MSRB2: variants seen among roughly 807,000 people sequenced by gnomAD.
The protein encoded by MSRB2 is methionine-R-sulfoxide reductase B2, mitochondrial.
A neutral mutation model predicts 19.0 loss-of-function variants in MSRB2; 17 were observed. The observed-to-expected ratio is 0.89, with a 90% CI of 0.61 to 1.34. The LOEUF (loss-of-function observed/expected upper bound fraction) is 1.34, where lower values mean the gene tolerates loss of function less well. Among genes scored for constraint, MSRB2 ranks in the 40% most tolerant of loss-of-function variants. The probability of loss-of-function intolerance (pLI) is 0.00; values close to 1 mark genes in which losing one functional copy is unlikely to be tolerated. For missense variants in MSRB2, 208 were observed against 237.6 expected, an observed-to-expected ratio of 0.88 and a Z score of 0.82; for synonymous variants, 107 against 99.7, an observed-to-expected ratio of 1.07 and a Z score of -0.44.
intron 4 of MSRB2, among the ~76,000 whole-genome samples, 168 bp from the exon 5 acceptor site, chr10:23,120,590 G>A (rs1428727239): frequency 2.0e-5 from 3 of 152,172 alleles, no homozygotes; most frequent in Admixed American, 6.5e-5. Context: ...CCATGACTGT[G>A]TTCTGCTTTC....
intron 2 of MSRB2, among the ~76,000 whole-genome samples, chr10:23,109,503 A>G (rs1389163886): frequency 6.7e-6 from 1 of 149,044 alleles, no homozygotes; most frequent in Non-Finnish European, 1.5e-5. Context: ...AGATCGTGTC[A>G]TTGCACTCCA....
At chr10:23,103,491 G>A (rs534289173) in intron 1 of MSRB2, among the ~76,000 whole-genome samples, 26 of 152,276 alleles carry the variant, frequency 1.7e-4, no homozygotes, top group Admixed American at 1.3e-4. Context: ...TTACACTCAC[G>A]TGAATAAATG....
At chr10:23,120,133 T>A (rs1248744614) in intron 4 of MSRB2, among the ~76,000 whole-genome samples, 1 of 152,202 alleles carries the variant, frequency 6.6e-6, no homozygotes, top group East Asian at 1.9e-4. Flanking sequence ...TTACCCAGTG[T>A]GACTGGCACC....
At position 23,110,242 on chromosome 10, in the gene MSRB2, C is replaced by T. The variant is rs1300746366; in HGVS notation, c.220C>T (p.Pro74Ser). ...CATGACATATCTAATTTACTTTCAGCCTTTCAGTGGGATCTACCTGAATAA... is the reference window on the plus strand; with the variant it reads ...CATGACATATCTAATTTACTTTCAGTCTTTCAGTGGGATCTACCTGAATAA... ...YVTREKGTEPPFSGIYLNNKE... is the reference protein window; with the variant it reads ...YVTREKGTEPSFSGIYLNNKE... The change falls in exon 3 of 5, where the codon CCT (proline) becomes TCT (serine). Residue 74 changes from proline to serine, a missense_variant and splice_region_variant. By Grantham distance (74) the Pro-to-Ser change is moderately conservative (BLOSUM62 -1). Coordinates refer to ENST00000376510, the MANE Select transcript of MSRB2 (RefSeq NM_012228.4). 1.2e-6 allele frequency: 2 copies of T among 1,612,152 alleles called. No individual in the cohort carries two copies. The highest frequency in any genetic ancestry group is 1.3e-5 in the African/African-American group (1 of 74,986).
chr10:23,112,998 G>C (rs900940833), intron 3 of MSRB2, among the ~76,000 whole-genome samples: 10 of 152,212 alleles, frequency 6.6e-5, no homozygotes, highest in African/African-American at 2.4e-4. Flanking sequence ...TACAAATGCA[G>C]ACTATATTCC....
chr10:23,111,244 C>T (rs1296608245), intron 3 of MSRB2, among the ~76,000 whole-genome samples: 3 of 152,178 alleles, frequency 2.0e-5, no homozygotes, highest in Non-Finnish European at 4.4e-5. Flanking sequence ...GATGCATTCA[C>T]GTTGGCATGG....
chr10:23,104,344 C>A, intron 2 of MSRB2, 100 bp downstream of exon 2: 2 of 822,978 alleles, frequency 2.4e-6, no homozygotes, highest in South Asian at 3.7e-5. Flanking sequence ...CAGCAACACT[C>A]CACAGGCCTG....
At chr10:23,100,210 T>C (rs1839912784) in intron 1 of MSRB2, among the ~76,000 whole-genome samples, 1 of 152,228 alleles carries the variant, frequency 6.6e-6, no homozygotes, top group African/African-American at 2.4e-5. Context: ...ATGTCAATGA[T>C]AGCCAGAGAT....
intron 2 of MSRB2, among the ~76,000 whole-genome samples, chr10:23,105,923 G>A (rs769526887): frequency 6.6e-6 from 1 of 152,206 alleles, no homozygotes; most frequent in Non-Finnish European, 1.5e-5. Flanking sequence ...TTGGGAAAGA[G>A]ACTACATTAG....
intron 1 of MSRB2, among the ~76,000 whole-genome samples, chr10:23,102,382 G>A (rs372025921): frequency 1.3e-5 from 2 of 152,038 alleles, no homozygotes; most frequent in East Asian, 3.8e-4. Context: ...TACCAACAAT[G>A]TCTTTTATAG....
rs766932951 is a variant in MSRB2 at position 23,120,917 on chromosome 10, C to T, written c.*55C>T. ...CCCCTTCACGTGCACCCTCAATTTC[C>T]ACAATTCACTTGAATGACTTGTTTT... On this transcript the variant is annotated 3_prime_UTR_variant, in exon 5 of 5. Coordinates refer to ENST00000376510, the MANE Select transcript of MSRB2 (RefSeq NM_012228.4). 3.0e-5 allele frequency: 40 copies of T among 1,342,430 alleles called. No homozygotes were observed. Among genetic ancestry groups the T allele is most frequent in the Non-Finnish European group, 4.1e-5 (39 of 945,452 alleles). The allele number at this position is 1,342,430 out of a possible 1,614,324, so 83.2% of individuals were successfully genotyped here.
chr10:23,108,083 G>A (rs568026321), intron 2 of MSRB2, among the ~76,000 whole-genome samples: 1 of 151,632 alleles, frequency 6.6e-6, no homozygotes, highest in South Asian at 2.1e-4. Context: ...TCAGCCTCCC[G>A]AGTAGCTGGG....
chr10:23,096,895 C>T lies in MSRB2; in HGVS notation c.118+1169C>T, dbSNP rs1399219711. ...CCTTGAAAAAGGATGGTGGTTTTAG[C>T]GGTAACTACTTCATGGCTGTAATTG... On this transcript the variant is annotated intron_variant, in intron 1 of 4. Coordinates refer to ENST00000376510, the MANE Select transcript of MSRB2 (RefSeq NM_012228.4). 2.0e-5 allele frequency among the ~76,000 whole-genome samples: 3 copies of T among 152,260 alleles called. No individual in the cohort carries two copies. The South Asian group carries it at 6.2e-4, about 32-fold the overall frequency.
At chr10:23,111,968 T>TA (rs1840062639) in intron 3 of MSRB2, among the ~76,000 whole-genome samples, 1 of 152,080 alleles carries the variant, frequency 6.6e-6, no homozygotes, top group African/African-American at 2.4e-5. Context: ...AATTTAAACT[T>TA]AAAAGGCCAC....
chr10:23,109,006 T>C (rs1015980730), intron 2 of MSRB2, among the ~76,000 whole-genome samples: 3 of 152,092 alleles, frequency 2.0e-5, no homozygotes, highest in African/African-American at 7.2e-5. Flanking sequence ...CACAGGGAAT[T>C]TGGATGTTTA....
Position 23,104,146 on chromosome 10 carries a change from TCTCTTGCAACGTGTGAGCTGC to T in MSRB2, c.129_149del (p.Thr44_Ala50del), listed in dbSNP as rs1284411394. ...AAAATTCCTGTTTAACAATACAGGG[TCTCTTGCAACGTGTGAGCTGC>T]CTCTTGCCAAGAGTGAGTGGCAAAA... On this transcript the variant is annotated inframe_deletion, in exon 2 of 5. Transcript: ENST00000376510. 1 of 1,611,188 alleles carries T rather than the reference TCTCTTGCAACGTGTGAGCTGC, an allele frequency of 6.2e-7. No homozygotes were observed. The highest frequency in any genetic ancestry group is 8.5e-7 in the Non-Finnish European group (1 of 1,179,040).
chr10:23,100,987 T>TTTTTGTTTTG lies in MSRB2; in HGVS notation c.119-3138_119-3129dup, dbSNP rs374985718. Among the ~76,000 whole-genome samples the TTTTTGTTTTG allele has an allele frequency of 7.8e-4, 118 of 152,164 alleles. 2 individuals carry two copies. The East Asian group carries it at 0.02, about 26-fold the overall frequency. On this transcript the variant is annotated intron_variant, in intron 1 of 4. Transcript: ENST00000376510. The stretch of plus-strand genomic sequence containing the variant: ...ATGGTTTGAGGAGAGTGGAAAAGGT[T>TTTTTGTTTTG]TTTTGTTTTGTTTTGTTTTGTTTTG...
Position 23,104,162 on chromosome 10 carries a change from A to G in MSRB2, c.137A>G (p.Glu46Gly), listed in dbSNP as rs2296466. The G allele has an allele frequency of 6.8e-3, 10,913 of 1,613,686 alleles. 639 individuals carry two copies. The East Asian group carries it at 0.15, about 22-fold the overall frequency. ...LGEAGSLATC[E>G]LPLAKSEWQK... is the part of the protein sequence containing the mutation. ...AATACAGGGTCTCTTGCAACGTGTG[A>G]GCTGCCTCTTGCCAAGAGTGAGTGG... The change falls in exon 2 of 5, where the codon GAG (glutamate) becomes GGG (glycine). Residue 46 changes from glutamate to glycine, a missense_variant. Coordinates refer to ENST00000376510, the MANE Select transcript of MSRB2 (RefSeq NM_012228.4).
At chr10:23,105,893 G>A (rs976725826) in intron 2 of MSRB2, among the ~76,000 whole-genome samples, 1 of 152,172 alleles carries the variant, frequency 6.6e-6, no homozygotes, top group Non-Finnish European at 1.5e-5. Context: ...CCTGTAGGCG[G>A]GATTTTACTA....
Sources: allele counts gnomAD v4.1 joint callset (sites outside exome capture counted in the v4.1 genomes callset), GRCh38; gene constraint gnomAD v4.1.1; transcripts MANE v1.5; gene names NCBI Gene and HGNC (gene_info 2026-07-23, HGNC 2026-07-21).